The following KIAA0319 variants were observed in gnomAD, a reference collection of about 807,000 sequenced individuals.
KIAA0319 encodes the protein dyslexia-associated protein KIAA0319.
Under a neutral mutation model 108.4 loss-of-function variants are expected in KIAA0319, and 83 were observed. The ratio of observed to expected loss-of-function variants is 0.77; its 90% CI spans 0.64 to 0.92. The LOEUF (loss-of-function observed/expected upper bound fraction) is 0.92, where lower values mean the gene tolerates loss of function less well. Ranked by LOEUF, KIAA0319 falls within the 40% of genes least tolerant of loss-of-function variation. KIAA0319 has a pLI of 0.00. For synonymous variants in KIAA0319, 484 were observed against 510.4 expected (o/e 0.95, Z 0.70); for missense variants, 1,195 against 1,322.4 (o/e 0.90, Z 1.49).
chr6:24,575,745 T>TC (rs1254235793), intron 10 of KIAA0319, among the ~76,000 whole-genome samples: 7 of 142,348 alleles, frequency 4.9e-5, no homozygotes, highest in Admixed American at 3.5e-4. Flanking sequence ...AGGTCCTATC[T>TC]TTTTTTTTTT....
intron 20 of KIAA0319, 69 bp from the exon 21 acceptor site, chr6:24,547,412 T>C (rs1760785383): frequency 2.2e-6 from 3 of 1,394,480 alleles, no homozygotes; most frequent in Non-Finnish European, 3.0e-6. Flanking sequence ...GTCGTTGTGG[T>C]TGCAGGTCCT....
At chr6:24,555,686 T>TAGTAAA (rs1554143441) in intron 18 of KIAA0319, among the ~76,000 whole-genome samples, 2 of 151,654 alleles carry the variant, frequency 1.3e-5, no homozygotes, top group Non-Finnish European at 2.9e-5. Context: ...CAAATTTACT[T>TAGTAAA]AGTAGACTGC....
chr6:24,600,771 A>G (rs1374367123), intron 2 of KIAA0319: 3 of 907,688 alleles, frequency 3.3e-6, no homozygotes, highest in Non-Finnish European at 5.0e-6. Flanking sequence ...AGCCAGATCT[A>G]GTATGCAATT....
chr6:24,611,950 C>A (rs1238648477), intron 1 of KIAA0319, among the ~76,000 whole-genome samples: 3 of 151,556 alleles, frequency 2.0e-5, no homozygotes, highest in Admixed American at 2.0e-4. Context: ...ACTCAGAAGG[C>A]TGAGGCAAGA....
At chr6:24,603,623 G>A (rs9467238) in intron 1 of KIAA0319, among the ~76,000 whole-genome samples, 13 of 152,252 alleles carry the variant, frequency 8.5e-5, no homozygotes, top group African/African-American at 3.1e-4. Flanking sequence ...AAGCACTGCA[G>A]TACTTTTAGA....
intron 9 of KIAA0319, among the ~76,000 whole-genome samples, chr6:24,576,809 T>C (rs1048246034): frequency 1.3e-5 from 2 of 151,488 alleles, no homozygotes; most frequent in African/African-American, 4.9e-5. Context: ...CCTGTAGTTC[T>C]AGCTACTTGG....
At chr6:24,571,642 C>T (rs1439874945) in intron 11 of KIAA0319, among the ~76,000 whole-genome samples, 1 of 152,144 alleles carries the variant, frequency 6.6e-6, no homozygotes, top group Non-Finnish European at 1.5e-5. Flanking sequence ...CTCTTTTTCT[C>T]TCTCTCCAAT....
chr6:24,559,972 T>C (rs1762877212), intron 16 of KIAA0319, among the ~76,000 whole-genome samples: 1 of 152,240 alleles, frequency 6.6e-6, no homozygotes, highest in Admixed American at 6.5e-5. Context: ...ACCTTCTGTG[T>C]GTGGCTTCTT....
chr6:24,611,736 T>C (rs1426654463), intron 1 of KIAA0319, among the ~76,000 whole-genome samples: 1 of 151,976 alleles, frequency 6.6e-6, no homozygotes, highest in Non-Finnish European at 1.5e-5. Flanking sequence ...AAAGAAAATA[T>C]AAGCGCATTT....
Position 24,596,565 on chromosome 6 carries a change from A to C in KIAA0319, c.109T>G (p.Ser37Ala). The C allele has an allele frequency of 6.2e-7, 1 of 1,613,630 alleles. No individual in the cohort carries two copies. The highest frequency in any genetic ancestry group is 8.5e-7 in the Non-Finnish European group (1 of 1,179,872). Residue 37 changes from serine to alanine, a missense_variant, in exon 3 of 21, where the codon TCA becomes GCA. Coordinates refer to ENST00000378214, the MANE Select transcript of KIAA0319 (RefSeq NM_014809.4). The part of the protein sequence containing the change: ...EGRTYSNAVI[S>A]PNLETTRIMR... ...ATTCTGGTGGTTTCCAAGTTAGGTG[A>C]AATGACTGCATTGGAATATGTCCTC... is the stretch of plus-strand genomic sequence containing the variant.
chr6:24,638,773 AG>A (rs936666813), intron 1 of KIAA0319, among the ~76,000 whole-genome samples: 1 of 150,688 alleles, frequency 6.6e-6, no homozygotes, highest in African/African-American at 2.4e-5. Flanking sequence ...AAAAAAAAAA[AG>A]AATTAGAAAG....
rs78767087 is a variant in KIAA0319, at chr6:24,628,965, G to A, written c.-106+16771C>T. On this transcript the variant is annotated intron_variant, in intron 1 of 20. Coordinates refer to ENST00000378214, the MANE Select transcript of KIAA0319 (RefSeq NM_014809.4). ...AAGGTCACATTCACAGGTATTGGGG[G>A]TTAGGACTGAAAGCATCTTTTGTGG... Among the ~76,000 whole-genome samples, 581 of 152,250 alleles carry A rather than the reference G, an allele frequency of 3.8e-3. 3 individuals carry two copies. The highest frequency in any genetic ancestry group is 0.013 in the African/African-American group (542 of 41,544).
intron 1 of KIAA0319, among the ~76,000 whole-genome samples, chr6:24,620,159 C>T (rs1448529741): frequency 6.6e-6 from 1 of 152,180 alleles, no homozygotes; most frequent in Non-Finnish European, 1.5e-5. Flanking sequence ...TGCAAAACTG[C>T]TTCACAAATT....
chr6:24,640,155 C>A (rs1285704876), intron 1 of KIAA0319, among the ~76,000 whole-genome samples: 7 of 151,966 alleles, frequency 4.6e-5, no homozygotes, highest in Non-Finnish European at 1.0e-4. Flanking sequence ...ATGTTACTAA[C>A]TTTCAATTTT....
intron 1 of KIAA0319, among the ~76,000 whole-genome samples, chr6:24,608,198 C>T (rs1230618229): frequency 1.3e-5 from 2 of 151,728 alleles, no homozygotes; most frequent in East Asian, 1.9e-4. Context: ...CTTTAAAATG[C>T]TACTGAGGAA....
chr6:24,632,777 T>G (rs904957673), intron 1 of KIAA0319, among the ~76,000 whole-genome samples: 1 of 152,236 alleles, frequency 6.6e-6, no homozygotes, highest in African/African-American at 2.4e-5. Flanking sequence ...GCTCTGACTT[T>G]CTCCACTGAA....
At chr6:24,619,233 G>A (rs1351287864) in intron 1 of KIAA0319, among the ~76,000 whole-genome samples, 2 of 152,186 alleles carry the variant, frequency 1.3e-5, no homozygotes, top group Non-Finnish European at 2.9e-5. Flanking sequence ...GGGCTTCTGC[G>A]TTGAAAAGAG....
intron 11 of KIAA0319, among the ~76,000 whole-genome samples, chr6:24,571,197 A>G (rs75969579): frequency 3.0e-4 from 40 of 132,292 alleles, no homozygotes; most frequent in Non-Finnish European, 3.8e-4. Context: ...GTCTCGAGGG[A>G]AAAAAAAAAA....
At chr6:24,579,502 CTCATATATA>C (rs1332522005) in intron 8 of KIAA0319, among the ~76,000 whole-genome samples, 1 of 143,274 alleles carries the variant, frequency 7.0e-6, no homozygotes, top group Non-Finnish European at 1.5e-5. Context: ...TCTTATATAT[CTCATATATA>C]TCTTATATAT....
Sources: allele counts gnomAD v4.1 joint callset (sites outside exome capture counted in the v4.1 genomes callset), GRCh38; gene constraint gnomAD v4.1.1; transcripts MANE v1.5; gene names NCBI Gene and HGNC (gene_info 2026-07-23, HGNC 2026-07-21).